The following PSORS1C1 variants were observed in gnomAD, a reference collection of about 807,000 sequenced individuals.
The protein encoded by PSORS1C1 is psoriasis susceptibility 1 candidate gene 1 protein.
Under a neutral mutation model 9.4 loss-of-function variants are expected in PSORS1C1, and 7 were observed. That is an observed-to-expected ratio of 0.75 (90% confidence interval 0.42 to 1.40). The LOEUF is 1.40. PSORS1C1 is among the 40% of genes most tolerant of loss of function. The probability of loss-of-function intolerance (pLI) is 0.01; values close to 1 mark genes in which losing one functional copy is unlikely to be tolerated. For missense variants in PSORS1C1, 146 were observed against 178.1 expected (o/e 0.82, Z 1.02); for synonymous variants, 63 against 69.4 (o/e 0.91, Z 0.46).
At chr6:31,127,828 T>C (rs9263714) in intron 2 of PSORS1C1, among the ~76,000 whole-genome samples, 36,734 of 151,454 alleles carry the variant, frequency 0.24, 4,761 homozygotes, top group Middle Eastern at 0.37. Flanking sequence ...AAAACACACA[T>C]ACACACACAC....
intron 1 of PSORS1C1, among the ~76,000 whole-genome samples, chr6:31,122,513 C>A (rs3130994): frequency 6.6e-6 from 1 of 151,780 alleles, no homozygotes; most frequent in Admixed American, 6.6e-5. Flanking sequence ...CGGTGGCTCA[C>A]GCTTGTAATC....
At position 31,139,230 on chromosome 6, in the gene PSORS1C1, C is replaced by T; in HGVS notation, c.168-411C>T. 1 of 593,604 alleles carries T rather than the reference C, an allele frequency of 1.7e-6. No individual in the cohort carries two copies. Among genetic ancestry groups the T allele is most frequent in the East Asian group, 2.8e-5 (1 of 36,010 alleles). 36.8% of individuals were successfully genotyped at this position (593,604 alleles called of 1,614,324 possible). ...CGTCCCTTATTTTAGTCCTCCAGCC[C>T]AGGACCCAGCTGCCTGCTCTCCCTA... On this transcript the variant is annotated intron_variant, in intron 5 of 5. Transcript: ENST00000259881. The surrounding 1 kb of genome is among the most constrained non-coding windows in gnomAD (Gnocchi z 5.2).
intron 2 of PSORS1C1, 133 bp from the exon 3 acceptor site, chr6:31,129,436 C>T (rs1179327685): frequency 3.3e-6 from 2 of 608,466 alleles, no homozygotes; most frequent in African/African-American, 1.8e-5. Context: ...TCCAGGCCCA[C>T]TCAGTCTCCT....
intron 4 of PSORS1C1, 77 bp from the exon 5 acceptor site, chr6:31,138,578 AC>A (rs1773281516): frequency 1.9e-6 from 3 of 1,609,306 alleles, no homozygotes; most frequent in Admixed American, 1.7e-5. Context: ...AGCTCCATCC[AC>A]CCCTGGTTGG....
chr6:31,138,950 C>T (rs768490112), intron 5 of PSORS1C1, 171 bp downstream of exon 5: 1 of 1,613,362 alleles, frequency 6.2e-7, no homozygotes, highest in Non-Finnish European at 8.5e-7. Context: ...AACTGCAGTC[C>T]CTGCCTCTGT....
chr6:31,128,132 G>A lies in PSORS1C1; in HGVS notation c.-64-1437G>A, dbSNP rs1335948340. The stretch of plus-strand genomic sequence containing the variant: ...TCCTGAGGGCTTCAGAGCCTGTCTC[G>A]CCTCGCCTCACATGCCTGGCTCACC... On this transcript the variant is annotated intron_variant, in intron 2 of 5. Coordinates refer to ENST00000259881, the MANE Select transcript of PSORS1C1 (RefSeq NM_014068.3). The surrounding 1 kb of genome is among the most constrained non-coding windows in gnomAD (Gnocchi z 4.3). 1.3e-5 allele frequency among the ~76,000 whole-genome samples: 2 copies of A among 152,174 alleles called. No homozygotes were observed. Among genetic ancestry groups the A allele is most frequent in the African/African-American group, 2.4e-5 (1 of 41,434 alleles).
intron 1 of PSORS1C1, chr6:31,117,186 G>C: frequency 6.2e-7 from 1 of 1,611,866 alleles, no homozygotes; most frequent in Non-Finnish European, 8.5e-7. Context: ...GAGAGCCGCT[G>C]TTTCCCGAGT....
intron 1 of PSORS1C1, among the ~76,000 whole-genome samples, chr6:31,119,357 G>A (rs1267636606): frequency 6.6e-6 from 1 of 151,914 alleles, no homozygotes; most frequent in Non-Finnish European, 1.5e-5. Context: ...TCTCTCTTTC[G>A]CTATTCCCTC....
chr6:31,134,452 G>A (rs1430907169), intron 3 of PSORS1C1, among the ~76,000 whole-genome samples: 2 of 151,992 alleles, frequency 1.3e-5, no homozygotes, highest in African/African-American at 4.8e-5. Flanking sequence ...ACAGGCGCCG[G>A]CCACCATGCC....
chr6:31,118,008 AG>A (rs1772262410), intron 1 of PSORS1C1: 1 of 165,208 alleles, frequency 6.1e-6, no homozygotes, highest in African/African-American at 2.4e-5. Context: ...TCTAAAAGAA[AG>A]GACCCTGAAG....
chr6:31,117,266 A>G, intron 1 of PSORS1C1: 3 of 1,608,560 alleles, frequency 1.9e-6, no homozygotes, highest in East Asian at 2.2e-5. Context: ...CCGGAGGAGT[A>G]GCTGACCTGG....
rs111499234 is a variant in PSORS1C1 at position 31,138,962 on chromosome 6, C to A, written c.167+183C>A. On this transcript the variant is annotated intron_variant, in intron 5 of 5. Transcript: ENST00000259881. ...CCAAACTGCAGTCCCTGCCTCTGTTCCCACCTCACCTCTGGTGTGCAGGCA... is the reference window on the plus strand; with the variant it reads ...CCAAACTGCAGTCCCTGCCTCTGTTACCACCTCACCTCTGGTGTGCAGGCA... 5.1e-5 allele frequency: 82 copies of A among 1,613,880 alleles called. 1 individual carries two copies. In the African/African-American group the frequency reaches 1.0e-3, roughly 20 times the overall value.
chr6:31,116,667 A>G (rs761798018), intron 1 of PSORS1C1: 1 of 1,612,646 alleles, frequency 6.2e-7, no homozygotes, highest in South Asian at 1.1e-5. Context: ...GGTAGATTTT[A>G]CCCTTACTGT....
intron 3 of PSORS1C1, among the ~76,000 whole-genome samples, chr6:31,135,402 T>G (rs1033780203): frequency 5.3e-5 from 8 of 152,064 alleles, no homozygotes; most frequent in African/African-American, 1.9e-4. Context: ...GTATTTTTAG[T>G]AGAGACAGAG....
rs1772776548 is a variant in PSORS1C1 at position 31,128,456 on chromosome 6, T to G, written c.-64-1113T>G. Among the ~76,000 whole-genome samples the G allele has an allele frequency of 6.6e-6, 1 of 152,014 alleles. No individual in the cohort carries two copies. The highest frequency in any genetic ancestry group is 2.4e-5 in the African/African-American group (1 of 41,368). On this transcript the variant is annotated intron_variant, in intron 2 of 5. Coordinates refer to ENST00000259881, the MANE Select transcript of PSORS1C1 (RefSeq NM_014068.3). This position sits in a 1 kb window ranked among gnomAD's most constrained non-coding sequence, Gnocchi z 4.3. ...AAGAACCCAAGTCACAGTCTGTTGA[T>G]CTCACTACCATGCTATCCTGCCTGC... is the stretch of plus-strand genomic sequence containing the variant.
intron 3 of PSORS1C1, among the ~76,000 whole-genome samples, chr6:31,131,927 G>A (rs1251193556): frequency 2.0e-5 from 3 of 152,216 alleles, no homozygotes; most frequent in Admixed American, 6.5e-5. Flanking sequence ...CTGAGACAAA[G>A]ATTCAAGTAA....
intron 3 of PSORS1C1, chr6:31,138,102 G>A: frequency 6.2e-7 from 1 of 1,601,298 alleles, no homozygotes; most frequent in Non-Finnish European, 8.5e-7. Flanking sequence ...ATCCGTTCTA[G>A]GCGGTTCAGG....
intron 1 of PSORS1C1, among the ~76,000 whole-genome samples, chr6:31,124,894 C>T (rs986814393): frequency 2.0e-5 from 3 of 152,008 alleles, no homozygotes; most frequent in Non-Finnish European, 2.9e-5. Context: ...TTTGAACCGG[C>T]GAGGCGGAGG....
chr6:31,120,803 G>A (rs997793805), intron 1 of PSORS1C1, among the ~76,000 whole-genome samples: 1 of 152,072 alleles, frequency 6.6e-6, no homozygotes, highest in Non-Finnish European at 1.5e-5. Flanking sequence ...GCCTACCGTA[G>A]CTTGGCCTGT....
Sources: gnomAD v4.1 joint callset for allele counts (sites outside exome capture counted in the v4.1 genomes callset) on GRCh38, gnomAD v4.1.1 for gene constraint, Gnocchi (gnomAD v3.1) non-coding constraint, MANE v1.5 for transcripts, NCBI Gene and HGNC (gene_info 2026-07-23, HGNC 2026-07-21) for gene names.